The following EIF2AK3 variants were observed in gnomAD, a reference collection of about 807,000 sequenced individuals.
The protein encoded by EIF2AK3 is eukaryotic translation initiation factor 2 alpha kinase 3, also known as eukaryotic translation initiation factor 2-alpha kinase 3.
EIF2AK3 carries 50 observed loss-of-function variants against 113.5 expected under a neutral mutation model. That is an observed-to-expected ratio of 0.44 (90% CI 0.35 to 0.56). The LOEUF (loss-of-function observed/expected upper bound fraction) is 0.56, where lower values mean the gene tolerates loss of function less well. EIF2AK3 is among the 20% of genes least tolerant of loss of function. EIF2AK3 has a pLI of 0.00. For missense variants in EIF2AK3, 1,185 were observed against 1,378.0 expected, an observed-to-expected ratio of 0.86 and a Z score of 2.22; for synonymous variants, 448 against 495.4, an observed-to-expected ratio of 0.90 and a Z score of 1.27.
intron 10 of EIF2AK3, 29 bp downstream of exon 10, chr2:88,583,401 C>A (rs1231178828): frequency 6.5e-7 from 1 of 1,539,958 alleles, no homozygotes; most frequent in Non-Finnish European, 9.0e-7. Context: ...TTCTTTGATT[C>A]AGATGGTTGT....
chr2:88,600,046 AAAC>A (rs1210120538), intron 2 of EIF2AK3, among the ~76,000 whole-genome samples: 25 of 152,220 alleles, frequency 1.6e-4, no homozygotes, highest in African/African-American at 5.3e-4. Context: ...GCAAAACACA[AAAC>A]AACAACAAGG....
At chr2:88,608,784 C>T (rs569046481) in intron 2 of EIF2AK3, among the ~76,000 whole-genome samples, 58 of 147,754 alleles carry the variant, frequency 3.9e-4, no homozygotes, top group Non-Finnish European at 6.6e-4. Flanking sequence ...CCTGACTCAC[C>T]GCAACCTCCG....
rs1573394318 is a variant in EIF2AK3, at chr2:88,576,453, T to A, written c.2036+101A>T. The A allele has an allele frequency of 2.6e-6, 4 of 1,525,152 alleles. No individual in the cohort carries two copies. The East Asian group carries it at 9.1e-5, about 35-fold the overall frequency. The allele number at this position is 1,525,152 out of a possible 1,614,324, so 94.5% of individuals were successfully genotyped here. A position where few individuals can be genotyped will look rare whatever the true frequency, so the allele number is the denominator to read the frequency against. ...ACATGAAACAACAGAACTCTGCTGT[T>A]CCTTTTCTTTAAAAAAAAAAATCCC... On this transcript the variant is annotated intron_variant, in intron 12 of 16. Coordinates refer to ENST00000303236, the MANE Select transcript of EIF2AK3 (RefSeq NM_004836.7).
Position 88,574,756 on chromosome 2 carries a change from T to C in EIF2AK3, c.2727A>G (p.Arg909=). 1 of 1,614,228 alleles carries C rather than the reference T, an allele frequency of 6.2e-7. No individual in the cohort carries two copies. Among genetic ancestry groups the C allele is most frequent in the South Asian group, 1.1e-5 (1 of 91,092 alleles). ...AGATGTGCAGACACACGCTCCTCTC[T>C]CTCTCCTCTATGGTACATCGTCCAT... ...WMNGRCTIEE[R]ERSVCLHIFL... is the part of the protein sequence containing the mutation. Residue 909 remains arginine (R), a synonymous_variant, in exon 13 of 17, where the codon AGA becomes AGG. Transcript: ENST00000303236.
At chr2:88,608,521 T>G (rs539906845) in intron 2 of EIF2AK3, among the ~76,000 whole-genome samples, 11 of 152,186 alleles carry the variant, frequency 7.2e-5, no homozygotes, top group African/African-American at 2.4e-4. Context: ...CCCTCTTCCC[T>G]ACACCAGCCT....
chr2:88,566,981 CA>C (rs1357680072), intron 14 of EIF2AK3, among the ~76,000 whole-genome samples: 1 of 151,926 alleles, frequency 6.6e-6, no homozygotes, highest in Admixed American at 6.6e-5. Context: ...AAAACAGAAG[CA>C]AAAGCAAAAA....
At chr2:88,572,619 A>T (rs1031764294) in intron 13 of EIF2AK3, among the ~76,000 whole-genome samples, 1 of 152,232 alleles carries the variant, frequency 6.6e-6, no homozygotes, top group African/African-American at 2.4e-5. Flanking sequence ...GTTCTGGCTA[A>T]ATCACTTGAT....
intron 9 of EIF2AK3, among the ~76,000 whole-genome samples, chr2:88,585,194 C>G (rs1351686304): frequency 6.6e-6 from 1 of 151,936 alleles, no homozygotes; most frequent in Non-Finnish European, 1.5e-5. Context: ...GTGAAGATAT[C>G]TAGGAGGAAG....
chr2:88,567,450 C>T (rs771529318), intron 14 of EIF2AK3, among the ~76,000 whole-genome samples: 1 of 152,162 alleles, frequency 6.6e-6, no homozygotes, highest in African/African-American at 2.4e-5. Context: ...CTATTCCCAT[C>T]TTTATTTTCC....
At chr2:88,597,367 T>A (rs1675044093) in intron 2 of EIF2AK3, among the ~76,000 whole-genome samples, 1 of 152,214 alleles carries the variant, frequency 6.6e-6, no homozygotes, top group Admixed American at 6.5e-5. Context: ...TCTTCCAGAT[T>A]AATCTCTTTC....
Position 88,570,030 on chromosome 2 carries a change from C to T in EIF2AK3, c.2985+844G>A, listed in dbSNP as rs565157008. The stretch of plus-strand genomic sequence containing the variant: ...ATGTCACTCTAATTTTTTTTTTTTG[C>T]AGGGGAATTGGTGCCTGTAATTTTT... On this transcript the variant is annotated intron_variant, in intron 14 of 16. Coordinates refer to ENST00000303236, the MANE Select transcript of EIF2AK3 (RefSeq NM_004836.7). 2.7e-5 allele frequency among the ~76,000 whole-genome samples: 4 copies of T among 149,926 alleles called. No individual in the cohort carries two copies. The South Asian group carries it at 6.3e-4, about 24-fold the overall frequency.
intron 2 of EIF2AK3, among the ~76,000 whole-genome samples, chr2:88,606,328 A>C (rs4972060): frequency 0.77 from 116,507 of 151,410 alleles, 45,295 homozygotes; most frequent in African/African-American, 0.87. Flanking sequence ...AATAAAAAAA[A>C]CAGGGCCAAA....
chr2:88,559,510 CTGTGTGTG>C (rs141821640), intron 15 of EIF2AK3, among the ~76,000 whole-genome samples: 47 of 141,426 alleles, frequency 3.3e-4, no homozygotes, highest in African/African-American at 1.0e-3. Context: ...ACCAAGATGA[CTGTGTGTG>C]TGTGTGTGTG....
chr2:88,597,480 C>T (rs1006542690), intron 2 of EIF2AK3, among the ~76,000 whole-genome samples: 1 of 152,194 alleles, frequency 6.6e-6, no homozygotes, highest in Non-Finnish European at 1.5e-5. Flanking sequence ...CTTTAGAGGA[C>T]ATTCAAAGTC....
At chr2:88,562,655 G>A (rs1327899508) in intron 14 of EIF2AK3, among the ~76,000 whole-genome samples, 1 of 152,128 alleles carries the variant, frequency 6.6e-6, no homozygotes, top group East Asian at 1.9e-4. Flanking sequence ...TCGGAAACCT[G>A]GAGACTTGCC....
rs900837802 is a variant in EIF2AK3 at position 88,595,498 on chromosome 2, T to C, written c.604A>G (p.Thr202Ala). 35 of 1,613,938 alleles carry C rather than the reference T, an allele frequency of 2.2e-5. No homozygotes were observed. The highest frequency in any genetic ancestry group is 3.0e-5 in the Non-Finnish European group (35 of 1,179,986). The change falls in exon 3 of 17, where the codon ACA becomes GCA. Residue 202 changes from threonine to alanine, a missense_variant. By Grantham distance (58) the Thr-to-Ala change is moderately conservative. Coordinates refer to ENST00000303236, the MANE Select transcript of EIF2AK3 (RefSeq NM_004836.7). ...CCACTATATGCACTGAGTCCATATG[T>C]AGTCAGAGATTTTCCTCCAACCAAA... ...VVLVGGKSLT[T>A]YGLSAYSGKV...
At position 88,557,687 on chromosome 2, in the gene EIF2AK3, G is replaced by A; in HGVS notation, c.*49C>T. 1.3e-6 allele frequency: 2 copies of A among 1,590,588 alleles called. No individual in the cohort carries two copies. The highest frequency in any genetic ancestry group is 1.7e-6 in the Non-Finnish European group (2 of 1,158,620). On this transcript the variant is annotated 3_prime_UTR_variant, in exon 17 of 17. Transcript: ENST00000303236. ...ATTTTGGACAGGCATATTCTAAGAA[G>A]TAGGCTATTATCTGCATCACCTATT... is the stretch of plus-strand genomic sequence containing the variant.
At chr2:88,560,600 A>C (rs1255094558) in intron 15 of EIF2AK3, among the ~76,000 whole-genome samples, 1 of 152,176 alleles carries the variant, frequency 6.6e-6, no homozygotes, top group African/African-American at 2.4e-5. Flanking sequence ...CTTTCTTGAC[A>C]GTATTCTCTG....
In EIF2AK3 at chr2:88,576,685, C is replaced by T. The variant is rs186112888; in HGVS notation, c.1905G>A (p.Lys635=). 6 of 1,614,044 alleles carry T rather than the reference C, an allele frequency of 3.7e-6. No homozygotes were observed. In the Admixed American group the frequency reaches 1.0e-4, roughly 27 times the overall value. The change falls in exon 12 of 17, where the codon AAG becomes AAA. Residue 635 remains lysine, a synonymous_variant. Transcript: ENST00000303236. The part of the protein sequence containing the change: ...RLPNRELARE[K]VMREVKALAK... Reference sequence around the variant, plus strand: ...CTAAGGCTTTAACTTCTCGCATTACCTTTTCCCGAGCCAATTCCCTGAAAG... The same window carrying T: ...CTAAGGCTTTAACTTCTCGCATTACTTTTTCCCGAGCCAATTCCCTGAAAG...
Sources: gnomAD v4.1 joint callset for allele counts (sites outside exome capture counted in the v4.1 genomes callset) on GRCh38, gnomAD v4.1.1 for gene constraint, MANE v1.5 for transcripts, NCBI Gene and HGNC (gene_info 2026-07-23, HGNC 2026-07-21) for gene names.